The following EIF3H variants were observed in gnomAD, a reference collection of about 807,000 sequenced individuals.
The protein encoded by EIF3H is eukaryotic translation initiation factor 3 subunit H.
Under a neutral mutation model 44.2 loss-of-function variants are expected in EIF3H, and 26 were observed. The observed-to-expected ratio is 0.59, with a 90% CI of 0.43 to 0.82. EIF3H has a LOEUF of 0.82. Ranked by LOEUF, EIF3H falls within the 40% of genes least tolerant of loss-of-function variation. The pLI, the probability that EIF3H is intolerant of heterozygous loss-of-function variation, is 0.00. For missense variants in EIF3H, 359 were observed against 432.8 expected (o/e 0.83, Z 1.51); for synonymous variants, 166 against 151.9 (o/e 1.09, Z -0.68).
At chr8:116,692,862 A>G (rs1192071322) in intron 2 of EIF3H, among the ~76,000 whole-genome samples, 2 of 152,200 alleles carry the variant, frequency 1.3e-5, no homozygotes, top group Non-Finnish European at 2.9e-5. Flanking sequence ...TATTTTCTTA[A>G]TAAGCCCCAA....
At chr8:116,683,520 C>T (rs1814025445) in intron 2 of EIF3H, among the ~76,000 whole-genome samples, 1 of 152,174 alleles carries the variant, frequency 6.6e-6, no homozygotes, top group Admixed American at 6.5e-5. Flanking sequence ...TATCATCACA[C>T]TGAGGGTTAG....
At chr8:116,667,351 T>G (rs917597447) in intron 2 of EIF3H, among the ~76,000 whole-genome samples, 1 of 151,874 alleles carries the variant, frequency 6.6e-6, no homozygotes, top group Non-Finnish European at 1.5e-5. Flanking sequence ...ATTTCTGTTA[T>G]AGAAAAATCA....
intron 3 of EIF3H, 80 bp from the exon 4 acceptor site, chr8:116,657,394 T>C: frequency 9.9e-7 from 1 of 1,006,752 alleles, no homozygotes; most frequent in Non-Finnish European, 1.5e-6. Context: ...AGGCACATTC[T>C]GTTACATATC....
chr8:116,765,805 G>A (rs190642854), exon 1 of EIF3H: 2 of 152,334 alleles, frequency 1.3e-5, no homozygotes, highest in East Asian at 3.9e-4. Context: ...AGGACTCAAG[G>A]TTAGGAATTC....
Position 116,656,001 on chromosome 8 carries a change from T to C in EIF3H, c.562A>G (p.Lys188Glu), listed in dbSNP as rs1269869210. Reference sequence around the variant, plus strand: ...TACTCAAAGGTGATATTTGCTTTTTTCAATCTGTGAAGCATGTTAAAAATA... The same window carrying C: ...TACTCAAAGGTGATATTTGCTTTTTCCAATCTGTGAAGCATGTTAAAAATA... ...KEKDFSPEAL[K>E]KANITFEYMF... is the part of the protein sequence containing the mutation. The change falls in exon 5 of 8, where the codon AAA becomes GAA. Residue 188 changes from lysine (K) to glutamate (E), a missense_variant. Around this residue, in one of 5 missense-constraint regions of EIF3H, gnomAD observed 85 missense variants for 79.2 expected, o/e 1.07. Transcript: ENST00000521861. The C allele has an allele frequency of 6.2e-7, 1 of 1,613,238 alleles. No homozygotes were observed. The highest frequency in any genetic ancestry group is 8.5e-7 in the Non-Finnish European group (1 of 1,179,534).
At chr8:116,765,903 A>AAAATGGTGGCACCCTTTGCCCTGAC (rs1196443080) in exon 1 of EIF3H, 5 of 152,238 alleles carry the variant, frequency 3.3e-5, no homozygotes, top group Non-Finnish European at 2.9e-5. Flanking sequence ...GAGGAAATGC[A>AAAATGGTGGCACCCTTTGCCCTGAC]AAATGGTGGC....
rs1563664468 is a variant in EIF3H at position 116,755,819 on chromosome 8, AAG to A, written c.-24_-23del. 6.2e-7 allele frequency: 1 copy of A among 1,611,498 alleles called. No individual in the cohort carries two copies. The highest frequency in any genetic ancestry group is 1.7e-5 in the Admixed American group (1 of 59,994). Reference sequence around the variant, plus strand: ...CCATCTTTCCAAGCAGACAGGAAGAAAGAGAAACGTGAGTTACCGGAAGCGGA... The same window carrying A: ...CCATCTTTCCAAGCAGACAGGAAGAAAGAAACGTGAGTTACCGGAAGCGGA... On this transcript the variant is annotated 5_prime_UTR_variant, in exon 1 of 8. Transcript: ENST00000521861.
At chr8:116,756,936 G>T (rs1332399714), upstream of EIF3H, among the ~76,000 whole-genome samples, 1 of 152,192 alleles carries the variant, frequency 6.6e-6, no homozygotes, top group Admixed American at 6.5e-5. Context: ...TCGCATGGAA[G>T]AACCAGACTG....
At chr8:116,747,140 G>A (rs763582766) in intron 1 of EIF3H, among the ~76,000 whole-genome samples, 23 of 151,886 alleles carry the variant, frequency 1.5e-4, no homozygotes, top group African/African-American at 4.6e-4. Flanking sequence ...TCGGCTCACT[G>A]CAACCTCTGC....
At chr8:116,666,380 T>C (rs1813666006) in intron 2 of EIF3H, among the ~76,000 whole-genome samples, 1 of 152,156 alleles carries the variant, frequency 6.6e-6, no homozygotes. Flanking sequence ...TCAAGAAGTC[T>C]TCTATGAAAT....
At position 116,680,198 on chromosome 8, in the gene EIF3H, T is replaced by TC. The variant is rs1403508995; in HGVS notation, c.290-21219_290-21218insG. On this transcript the variant is annotated intron_variant, in intron 2 of 7. Coordinates refer to ENST00000521861, the MANE Select transcript of EIF3H (RefSeq NM_003756.3). ...TGGCCAGCCGCCCCTTCCGGGAGGG[T>TC]GGGGGGGGGGGTCAGCCCCCCGCCC... Among the ~76,000 whole-genome samples the TC allele has an allele frequency of 7.8e-4, 4 of 5,098 alleles. No individual in the cohort carries two copies. The East Asian group carries it at 9.0e-3, about 11-fold the overall frequency. 3.3% of individuals were successfully genotyped at this position (5,098 alleles called of 152,430 possible).
intron 2 of EIF3H, among the ~76,000 whole-genome samples, chr8:116,723,638 T>C (rs1306488172): frequency 6.6e-6 from 1 of 152,196 alleles, no homozygotes; most frequent in Non-Finnish European, 1.5e-5. Context: ...GGTGTGTAAG[T>C]CAAATGAAGC....
At chr8:116,650,009 G>C (rs34036889) in intron 5 of EIF3H, among the ~76,000 whole-genome samples, 4 of 152,168 alleles carry the variant, frequency 2.6e-5, no homozygotes, top group East Asian at 1.9e-4. Context: ...ACAGGGATTA[G>C]GTCAGGCAGA....
In EIF3H at chr8:116,677,429, T is replaced by C. The variant is rs137963910; in HGVS notation, c.290-18449A>G. The stretch of plus-strand genomic sequence containing the variant: ...CCATAGAGGGGCATATGTTCTAATG[T>C]GGCTGGATCCCCATTTTTACATGTC... On this transcript the variant is annotated intron_variant, in intron 2 of 7. Transcript: ENST00000521861. Among the ~76,000 whole-genome samples, 1,467 of 152,358 alleles carry C rather than the reference T, an allele frequency of 9.6e-3. 11 individuals carry two copies. The highest frequency in any genetic ancestry group is 0.015 in the Non-Finnish European group (1,042 of 68,036).
chr8:116,672,596 C>T (rs1468390139), intron 2 of EIF3H, among the ~76,000 whole-genome samples: 2 of 151,780 alleles, frequency 1.3e-5, no homozygotes, highest in Non-Finnish European at 2.9e-5. Flanking sequence ...TGCCACTGCA[C>T]TCCAGCCTAG....
At chr8:116,764,350 C>T (rs1815546353) in intron 1 of EIF3H, among the ~76,000 whole-genome samples, 2 of 152,082 alleles carry the variant, frequency 1.3e-5, no homozygotes, top group African/African-American at 4.8e-5. Context: ...TGGCTTCTGC[C>T]TTGGTTGTGG....
intron 1 of EIF3H, among the ~76,000 whole-genome samples, chr8:116,746,026 T>A (rs1218045298): frequency 6.6e-6 from 1 of 152,190 alleles, no homozygotes; most frequent in East Asian, 1.9e-4. Flanking sequence ...CCAATGCTCC[T>A]TAATATGCTG....
chr8:116,679,584 TG>T (rs1318609011), intron 2 of EIF3H, among the ~76,000 whole-genome samples: 1 of 16,710 alleles, frequency 6.0e-5, no homozygotes, highest in African/African-American at 1.8e-4. Flanking sequence ...GGGAGGAAGG[TG>T]GGGGGGTCAG....
chr8:116,645,018 T>A lies in EIF3H; in HGVS notation c.1047A>T (p.Glu349Asp). Residue 349 changes from glutamate (E) to aspartate (D), a missense_variant, in exon 8 of 8, where the codon GAA becomes GAT. Physicochemically the swap from Glu to Asp is conservative, Grantham distance 45 (BLOSUM62 2). Transcript: ENST00000521861. The part of the protein sequence containing the change: ...GKLFMAQALQ[E>D]YNN Reference sequence around the variant, plus strand: ...AAACTTCCTTTTCTTAGTTGTTGTATTCTTGAAGAGCCTGGGCCATGAAGA... The same window carrying A: ...AAACTTCCTTTTCTTAGTTGTTGTAATCTTGAAGAGCCTGGGCCATGAAGA... 6.2e-7 allele frequency: 1 copy of A among 1,613,908 alleles called. No homozygotes were observed. The highest frequency in any genetic ancestry group is 8.5e-7 in the Non-Finnish European group (1 of 1,179,824).
Sources: gnomAD v4.1 joint callset for allele counts (sites outside exome capture counted in the v4.1 genomes callset) on GRCh38, gnomAD v4.1.1 for gene constraint, gnomAD v4.1.1 regional missense constraint, MANE v1.5 for transcripts, NCBI Gene and HGNC (gene_info 2026-07-23, HGNC 2026-07-21) for gene names.